Variants in LRRC8D observed in about 807,000 individuals in gnomAD.
The protein encoded by LRRC8D is leucine rich repeat containing 8 VRAC subunit D.
Under a neutral mutation model 55.8 loss-of-function variants are expected in LRRC8D, and 20 were observed. The observed-to-expected ratio is 0.36, with a 90% CI of 0.25 to 0.52. The LOEUF is 0.52. Ranked by LOEUF, LRRC8D falls within the 20% of genes least tolerant of loss-of-function variation. The probability of loss-of-function intolerance (pLI) is 0.93; values close to 1 mark genes in which losing one functional copy is unlikely to be tolerated. For synonymous variants in LRRC8D, 352 were observed against 377.0 expected (o/e 0.93, Z 0.77); for missense variants, 651 against 1,030.8 (o/e 0.63, Z 5.05).
At chr1:89,901,080 A>T (rs530410495) in intron 2 of LRRC8D, among the ~76,000 whole-genome samples, 1 of 152,302 alleles carries the variant, frequency 6.6e-6, no homozygotes, top group East Asian at 1.9e-4. Flanking sequence ...AGCATATCCT[A>T]TCAGAAGACC....
intron 2 of LRRC8D, among the ~76,000 whole-genome samples, chr1:89,866,208 CA>C (rs1340903101): frequency 6.6e-6 from 1 of 152,124 alleles, no homozygotes; most frequent in East Asian, 1.9e-4. Flanking sequence ...TTTATGGTGC[CA>C]TGAAATTAAA....
At chr1:89,850,059 C>T (rs1466031881) in intron 2 of LRRC8D, among the ~76,000 whole-genome samples, 2 of 152,086 alleles carry the variant, frequency 1.3e-5, no homozygotes, top group Non-Finnish European at 2.9e-5. Flanking sequence ...ATTTGAGATA[C>T]GAAGTATTAA....
intron 2 of LRRC8D, among the ~76,000 whole-genome samples, chr1:89,894,619 T>A (rs1026201185): frequency 3.3e-5 from 5 of 152,176 alleles, no homozygotes; most frequent in African/African-American, 1.2e-4. Context: ...CTGACATTAT[T>A]TGGCTAAAGT....
At chr1:89,821,534 G>C (rs982700843) in intron 1 of LRRC8D, among the ~76,000 whole-genome samples, 2 of 152,154 alleles carry the variant, frequency 1.3e-5, no homozygotes, top group African/African-American at 4.8e-5. Context: ...TCTGAGCGTC[G>C]GCCGCTTCGG....
In LRRC8D at chr1:89,935,683, C is replaced by T; in HGVS notation, c.*38C>T. ...TATGCACAGTGATGTGCAGGAACAA[C>T]TTCCTAGATTGCAAGTGCTCACGTA... On this transcript the variant is annotated 3_prime_UTR_variant, in exon 3 of 3. Transcript: ENST00000337338. The T allele has an allele frequency of 6.4e-7, 1 of 1,565,720 alleles. No individual in the cohort carries two copies. Among genetic ancestry groups the T allele is most frequent in the African/African-American group, 1.4e-5 (1 of 74,042 alleles).
At chr1:89,870,694 C>G (rs972594353) in intron 2 of LRRC8D, among the ~76,000 whole-genome samples, 1 of 152,172 alleles carries the variant, frequency 6.6e-6, no homozygotes, top group African/African-American at 2.4e-5. Context: ...ACCTTCCCCT[C>G]AGAATTCAAC....
chr1:89,879,564 G>T (rs906763483), intron 2 of LRRC8D, among the ~76,000 whole-genome samples: 9 of 152,138 alleles, frequency 5.9e-5, no homozygotes, highest in Non-Finnish European at 8.8e-5. Flanking sequence ...TGGTAAATCT[G>T]TTGTGTTACC....
At chr1:89,842,833 A>G (rs1303913711) in intron 1 of LRRC8D, among the ~76,000 whole-genome samples, 1 of 152,244 alleles carries the variant, frequency 6.6e-6, no homozygotes, top group African/African-American at 2.4e-5. Context: ...TACATAGCAC[A>G]GAGAACTACG....
At position 89,933,830 on chromosome 1, in the gene LRRC8D, C is replaced by G. The variant is rs1663772114; in HGVS notation, c.762C>G (p.Ile254Met). The change falls in exon 3 of 3, where the codon ATC (isoleucine) becomes ATG (methionine). Residue 254 changes from isoleucine (I) to methionine (M), a missense_variant. This residue lies in a region of LRRC8D where 178 missense variants were observed against 374.9 expected (regional missense o/e 0.47). Transcript: ENST00000337338. This position sits in a 1 kb window ranked among gnomAD's most constrained non-coding sequence, Gnocchi z 7.0. ...GCCCCAGTGCCAGTACACCAATGAT[C>G]AATAAAACTGGCTTTAAATTTTCAG... is the stretch of plus-strand genomic sequence containing the variant. ...EGSPSASTPMINKTGFKFSAE... is the reference protein window; with the variant it reads ...EGSPSASTPMMNKTGFKFSAE... 9.9e-6 allele frequency: 16 copies of G among 1,614,020 alleles called. No homozygotes were observed. Among genetic ancestry groups the G allele is most frequent in the Non-Finnish European group, 1.4e-5 (16 of 1,179,978 alleles).
intron 2 of LRRC8D, among the ~76,000 whole-genome samples, chr1:89,876,238 A>G (rs2100835892): frequency 6.6e-6 from 1 of 152,266 alleles, no homozygotes; most frequent in South Asian, 2.1e-4. Flanking sequence ...AAAAGAATGT[A>G]TCCTCTTCAT....
intron 2 of LRRC8D, among the ~76,000 whole-genome samples, chr1:89,880,942 C>T (rs530854177): frequency 6.6e-6 from 1 of 152,232 alleles, no homozygotes; most frequent in South Asian, 2.1e-4. Flanking sequence ...GCACTGGAAT[C>T]TAAAGCTCAT....
chr1:89,922,798 G>T (rs1663459033), intron 2 of LRRC8D, among the ~76,000 whole-genome samples: 1 of 152,170 alleles, frequency 6.6e-6, no homozygotes, highest in Non-Finnish European at 1.5e-5. Context: ...TCCTATTTCT[G>T]TTGAAAGGCA....
rs373333730 is a variant in LRRC8D, at chr1:89,935,482, T to C, written c.2414T>C (p.Leu805Pro). 2 of 1,614,130 alleles carry C rather than the reference T, an allele frequency of 1.2e-6. No individual in the cohort carries two copies. Among genetic ancestry groups the C allele is most frequent in the Non-Finnish European group, 1.7e-6 (2 of 1,180,040 alleles). The change falls in exon 3 of 3, where the codon CTG (leucine) becomes CCG (proline). Residue 805 changes from leucine (L) to proline (P), a missense_variant. By Grantham distance (98) the Leu-to-Pro change is moderately conservative. Transcript: ENST00000337338. ...GQLSQLTQLE[L>P]KGNCLDRLPA... is the part of the protein sequence containing the mutation. ...CTCTCCCAGCTCACTCAGCTGGAGC[T>C]GAAGGGGAACTGCTTGGACCGCCTG...
rs542308922 is a variant in LRRC8D, at chr1:89,914,350, C to G, written c.-2-18717C>G. On this transcript the variant is annotated intron_variant, in intron 2 of 2. Coordinates refer to ENST00000337338, the MANE Select transcript of LRRC8D (RefSeq NM_001134479.2). ...CCCGCTCACGCCTCTGCCTCCACAC[C>G]TCCCTGCAAGCTGAGGGAGTGGGCT... Among the ~76,000 whole-genome samples, 5 of 152,354 alleles carry G rather than the reference C, an allele frequency of 3.3e-5. No individual in the cohort carries two copies. In the South Asian group the frequency reaches 1.0e-3, roughly 32 times the overall value.
At chr1:89,925,163 T>G (rs1663526486) in intron 2 of LRRC8D, among the ~76,000 whole-genome samples, 1 of 152,166 alleles carries the variant, frequency 6.6e-6, no homozygotes. Flanking sequence ...GCAGCAGCAT[T>G]AGATTCTCGT....
At chr1:89,861,009 A>C (rs1284882897) in intron 2 of LRRC8D, among the ~76,000 whole-genome samples, 1 of 151,980 alleles carries the variant, frequency 6.6e-6, no homozygotes, top group East Asian at 1.9e-4. Flanking sequence ...GAACAAATCA[A>C]CTTCAAAGCC....
intron 2 of LRRC8D, among the ~76,000 whole-genome samples, chr1:89,910,763 T>C (rs909812857): frequency 6.6e-6 from 1 of 152,192 alleles, no homozygotes; most frequent in Non-Finnish European, 1.5e-5. Flanking sequence ...TCAGGATGGA[T>C]AGGACAATTT....
At position 89,889,021 on chromosome 1, in the gene LRRC8D, A is replaced by G. The variant is rs529731131; in HGVS notation, c.-2-44046A>G. Among the ~76,000 whole-genome samples, 401 of 152,252 alleles carry G rather than the reference A, an allele frequency of 2.6e-3. 1 individual carries two copies. Among genetic ancestry groups the G allele is most frequent in the African/African-American group, 9.1e-3 (380 of 41,532 alleles). ...TCATTTCCTTAAGTGTGGGCTGTGC[A>G]TGGTGACTTCCCTCCAAAGAGCAAT... On this transcript the variant is annotated intron_variant, in intron 2 of 2. Transcript: ENST00000337338.
intron 2 of LRRC8D, among the ~76,000 whole-genome samples, chr1:89,878,408 C>T (rs1662199624): frequency 6.6e-6 from 1 of 152,188 alleles, no homozygotes; most frequent in Non-Finnish European, 1.5e-5. Context: ...AGAAGAAAGC[C>T]CTTGGCTAGA....
Sources: allele counts gnomAD v4.1 joint callset (sites outside exome capture counted in the v4.1 genomes callset), GRCh38; gene constraint gnomAD v4.1.1; regional missense constraint gnomAD v4.1.1; non-coding constraint Gnocchi (gnomAD v3.1); transcripts MANE v1.5; gene names NCBI Gene and HGNC (gene_info 2026-07-23, HGNC 2026-07-21).